Variants in SHOC1 observed in about 807,000 individuals in gnomAD.
The protein encoded by SHOC1 is protein shortage in chiasmata 1 ortholog.
Under a neutral mutation model 179.2 loss-of-function variants are expected in SHOC1, and 136 were observed. The observed-to-expected ratio is 0.76, with a 90% CI of 0.66 to 0.87. The LOEUF (loss-of-function observed/expected upper bound fraction) is 0.87, where lower values mean the gene tolerates loss of function less well. Among genes scored for constraint, SHOC1 ranks in the 40% least tolerant of loss-of-function variants. SHOC1 has a pLI of 0.00. For missense variants in SHOC1, 1,538 were observed against 1,700.8 expected, an observed-to-expected ratio of 0.90 and a Z score of 1.68; for synonymous variants, 489 against 586.6, an observed-to-expected ratio of 0.83 and a Z score of 2.41.
chr9:111,788,895 GTC>G (rs140822211), intron 2 of SHOC1, among the ~76,000 whole-genome samples: 27,120 of 151,938 alleles, frequency 0.18, 2,640 homozygotes, highest in Non-Finnish European at 0.22. Flanking sequence ...CATTACTCTA[GTC>G]TCTCTAAATA....
chr9:111,696,320 C>T (rs10981014), intron 24 of SHOC1, among the ~76,000 whole-genome samples: 31,578 of 152,056 alleles, frequency 0.21, 4,200 homozygotes, highest in African/African-American at 0.37. Context: ...TCCTGATGTG[C>T]TCTAAGAGAT....
chr9:111,718,195 T>A lies in SHOC1; in HGVS notation c.2225A>T (p.Asp742Val), dbSNP rs1483394700. The part of the protein sequence containing the change: ...IRDVLLTCSL[D>V]TALGYLSKAK... ...TATTCCCCACCAACCCAATGCTGTG[T>A]CCAAGCTGCATGTTAAAAGGACATC... is the stretch of plus-strand genomic sequence containing the variant. Residue 742 changes from aspartate (D) to valine (V), a missense_variant, in exon 16 of 28, where the codon GAC (aspartate) becomes GTC (valine). Asp to Val is a radical substitution (Grantham distance 152). Coordinates refer to ENST00000682961, the MANE Select transcript of SHOC1 (RefSeq NM_001378211.1). 1 of 1,595,120 alleles carries A rather than the reference T, an allele frequency of 6.3e-7. No individual in the cohort carries two copies. Among genetic ancestry groups the A allele is most frequent in the Admixed American group, 1.8e-5 (1 of 55,060 alleles).
intron 2 of SHOC1, among the ~76,000 whole-genome samples, chr9:111,789,862 A>G (rs1836391835): frequency 6.6e-6 from 1 of 152,112 alleles, no homozygotes; most frequent in Admixed American, 6.6e-5. Context: ...TTAACTACAC[A>G]TTTGCTTCTC....
At chr9:111,736,249 A>C (rs575863570) in intron 12 of SHOC1, among the ~76,000 whole-genome samples, 11 of 152,310 alleles carry the variant, frequency 7.2e-5, no homozygotes, top group African/African-American at 2.6e-4. Flanking sequence ...AAAGAACCTG[A>C]GTAGACAAAG....
chr9:111,759,556 T>C (rs1198721041), intron 5 of SHOC1: 1 of 1,131,906 alleles, frequency 8.8e-7, no homozygotes, highest in Non-Finnish European at 1.1e-6. Flanking sequence ...AGTTTCTAAG[T>C]CACAGGAAGG....
chr9:111,782,733 A>G (rs934696558), intron 3 of SHOC1, among the ~76,000 whole-genome samples: 4 of 152,152 alleles, frequency 2.6e-5, no homozygotes, highest in Non-Finnish European at 4.4e-5. Flanking sequence ...AACAAAAACA[A>G]AAACAAGAAA....
intron 17 of SHOC1, 30 bp from the exon 18 acceptor site, chr9:111,713,202 G>A: frequency 8.4e-7 from 1 of 1,187,788 alleles, no homozygotes; most frequent in Non-Finnish European, 1.2e-6. Flanking sequence ...TCATATATAT[G>A]TGGATGATTA....
intron 2 of SHOC1, among the ~76,000 whole-genome samples, chr9:111,790,980 G>GAAATCCA (rs1369698079): frequency 5.9e-5 from 9 of 152,164 alleles, no homozygotes; most frequent in African/African-American, 2.2e-4. Flanking sequence ...CCAAAAATTT[G>GAAATCCA]AAATCCAAAA....
chr9:111,734,556 T>A (rs1833734522), intron 12 of SHOC1, among the ~76,000 whole-genome samples: 1 of 152,184 alleles, frequency 6.6e-6, no homozygotes, highest in Non-Finnish European at 1.5e-5. Context: ...AAAATTTATT[T>A]TACATCCCTT....
chr9:111,744,076 T>C (rs1440066356), intron 10 of SHOC1, among the ~76,000 whole-genome samples: 1 of 152,178 alleles, frequency 6.6e-6, no homozygotes, highest in Admixed American at 6.5e-5. Context: ...GACATATAAC[T>C]TGTGATTAAA....
chr9:111,737,061 T>TA (rs1251329145), intron 12 of SHOC1, among the ~76,000 whole-genome samples: 2 of 152,036 alleles, frequency 1.3e-5, no homozygotes, highest in African/African-American at 4.8e-5. Context: ...TGAAAAACAA[T>TA]AGAGGCTGGT....
chr9:111,686,985 G>T, intron 27 of SHOC1, 115 bp from the exon 28 acceptor site: 1 of 552,902 alleles, frequency 1.8e-6, no homozygotes. Flanking sequence ...TGCCCTTGTC[G>T]CCCAGGCTGG....
At chr9:111,723,980 T>A (rs1833187218) in intron 13 of SHOC1, 69 bp from the exon 14 acceptor site, 1 of 1,193,128 alleles carries the variant, frequency 8.4e-7, no homozygotes, top group Admixed American at 2.7e-5. Context: ...TTACCTTAAT[T>A]TTTTTTCTAA....
Position 111,780,602 on chromosome 9 carries a change from C to CA in SHOC1, c.257+327dup, listed in dbSNP as rs766866302. Among the ~76,000 whole-genome samples, 189 of 151,762 alleles carry CA rather than the reference C, an allele frequency of 1.2e-3. 1 individual carries two copies. Among genetic ancestry groups the CA allele is most frequent in the Non-Finnish European group, 9.9e-4 (67 of 67,958 alleles). ...CTTAAATAATAAATAATGTTTTGAC[C>CA]AAATATATTACAAAATAGCCTTAAA... On this transcript the variant is annotated intron_variant, in intron 4 of 27. Coordinates refer to ENST00000682961, the MANE Select transcript of SHOC1 (RefSeq NM_001378211.1).
chr9:111,778,796 C>CAG (rs1235038720), intron 4 of SHOC1, among the ~76,000 whole-genome samples: 2 of 129,866 alleles, frequency 1.5e-5, no homozygotes, highest in African/African-American at 2.9e-5. Flanking sequence ...AAAAAAGAGA[C>CAG]AGAGAGAGAG....
At chr9:111,727,561 C>T (rs1480690599) in intron 13 of SHOC1, 72 bp downstream of exon 13, 4 of 1,300,016 alleles carry the variant, frequency 3.1e-6, no homozygotes, top group African/African-American at 1.5e-5. Flanking sequence ...ATCTCCTTGC[C>T]TTCTATAATA....
chr9:111,769,195 T>G (rs1346599628), intron 5 of SHOC1, among the ~76,000 whole-genome samples: 3 of 152,168 alleles, frequency 2.0e-5, no homozygotes, highest in Non-Finnish European at 2.9e-5. Flanking sequence ...TGTTCATTGT[T>G]GATATTGGTC....
intron 1 of SHOC1, among the ~76,000 whole-genome samples, chr9:111,793,536 A>C (rs1836517856): frequency 6.6e-6 from 1 of 151,804 alleles, no homozygotes; most frequent in South Asian, 2.1e-4. Flanking sequence ...ACAGATATCG[A>C]ATCCATCTAA....
intron 27 of SHOC1, 149 bp downstream of exon 27, chr9:111,691,400 TTA>T: frequency 1.5e-6 from 1 of 666,650 alleles, no homozygotes; most frequent in South Asian, 2.2e-5. Flanking sequence ...TGCATTTATT[TTA>T]GAGTTTAGAT....
Sources: allele counts gnomAD v4.1 joint callset (sites outside exome capture counted in the v4.1 genomes callset), GRCh38; gene constraint gnomAD v4.1.1; transcripts MANE v1.5; gene names NCBI Gene and HGNC (gene_info 2026-07-23, HGNC 2026-07-21).